The following SND1 variants were observed in gnomAD, a reference collection of about 807,000 sequenced individuals.
SND1 encodes the protein staphylococcal nuclease domain-containing protein 1.
A neutral mutation model predicts 121.7 loss-of-function variants in SND1; 38 were observed. That is an observed-to-expected ratio of 0.31 (90% confidence interval 0.24 to 0.41). The LOEUF (loss-of-function observed/expected upper bound fraction) is 0.41. Among genes scored for constraint, SND1 ranks in the 10% least tolerant of loss-of-function variants. The pLI is 1.00. For synonymous variants in SND1, 401 were observed against 447.4 expected, an observed-to-expected ratio of 0.90 and a Z score of 1.31; for missense variants, 868 against 1,184.6, an observed-to-expected ratio of 0.73 and a Z score of 3.92.
intron 14 of SND1, among the ~76,000 whole-genome samples, chr7:127,915,015 G>A (rs544564580): frequency 1.3e-5 from 2 of 152,018 alleles, no homozygotes; most frequent in African/African-American, 2.4e-5. Flanking sequence ...TTCACATGCC[G>A]GTGTTCATTA....
At chr7:127,812,876 G>C (rs1798358951) in intron 11 of SND1, among the ~76,000 whole-genome samples, 1 of 152,152 alleles carries the variant, frequency 6.6e-6, no homozygotes, top group African/African-American at 2.4e-5. Context: ...GGGGATTCTT[G>C]TTCCTAATTA....
rs756522894 is a variant in SND1 at position 128,091,896 on chromosome 7, T to A, written c.2667+15T>A. 1.2e-6 allele frequency: 2 copies of A among 1,614,194 alleles called. No homozygotes were observed. Among genetic ancestry groups the A allele is most frequent in the Non-Finnish European group, 1.7e-6 (2 of 1,180,024 alleles). Reference sequence around the variant, plus strand: ...AGAGCGCCAGGGTGAGTTCTTACCTTGGGAGCCCCCAGAGGGTACCGAGTT... The same window carrying A: ...AGAGCGCCAGGGTGAGTTCTTACCTAGGGAGCCCCCAGAGGGTACCGAGTT... On this transcript the variant is annotated intron_variant, in intron 23 of 23. Coordinates refer to ENST00000354725, the MANE Select transcript of SND1 (RefSeq NM_014390.4).
chr7:127,688,583 A>G (rs1030992716), intron 2 of SND1, among the ~76,000 whole-genome samples: 3 of 150,868 alleles, frequency 2.0e-5, no homozygotes, highest in African/African-American at 4.9e-5. Context: ...TTAGCCAGGC[A>G]TGGTGGTGCA....
At chr7:127,659,268 CACTT>C (rs1587573912) in intron 1 of SND1, among the ~76,000 whole-genome samples, 1 of 152,168 alleles carries the variant, frequency 6.6e-6, no homozygotes, top group Non-Finnish European at 1.5e-5. Context: ...TACGGGATTT[CACTT>C]ACTTTCATTA....
At chr7:127,858,173 C>T (rs1287657151) in intron 12 of SND1, 7 of 802,672 alleles carry the variant, frequency 8.7e-6, no homozygotes, top group South Asian at 1.4e-5. Context: ...TAGGGCCTGG[C>T]ACCCCAAACC....
intron 16 of SND1, chr7:128,027,418 C>CT (rs1321566216): frequency 7.9e-5 from 12 of 152,680 alleles, no homozygotes; most frequent in African/African-American, 2.6e-4. Context: ...GATCTCACAG[C>CT]TTTTTTGTGA....
At chr7:127,685,228 TAG>T (rs1297998654) in intron 1 of SND1, among the ~76,000 whole-genome samples, 1 of 152,166 alleles carries the variant, frequency 6.6e-6, no homozygotes, top group Non-Finnish European at 1.5e-5. Flanking sequence ...TTAGTTAAGG[TAG>T]AGAGGTGGAG....
intron 16 of SND1, among the ~76,000 whole-genome samples, chr7:128,047,753 C>A (rs1375415769): frequency 6.6e-6 from 1 of 152,196 alleles, no homozygotes; most frequent in African/African-American, 2.4e-5. Context: ...ATAATTCAGT[C>A]CCTGGGCAGG....
chr7:127,811,557 C>T (rs991355666), intron 11 of SND1, among the ~76,000 whole-genome samples: 2 of 152,104 alleles, frequency 1.3e-5, no homozygotes, highest in African/African-American at 4.8e-5. Flanking sequence ...TTCCAGTGCA[C>T]GGCGCCTACC....
intron 16 of SND1, among the ~76,000 whole-genome samples, chr7:128,054,059 G>A (rs912334016): frequency 6.6e-6 from 1 of 152,224 alleles, no homozygotes; most frequent in African/African-American, 2.4e-5. Flanking sequence ...CGCCGCTAAG[G>A]CCACTGTCAG....
intron 16 of SND1, among the ~76,000 whole-genome samples, chr7:128,004,026 G>A (rs973876629): frequency 1.3e-5 from 2 of 149,150 alleles, no homozygotes; most frequent in Admixed American, 6.7e-5. Flanking sequence ...CAGCAGCTTT[G>A]TAACTTACTT....
At chr7:127,988,350 C>T (rs1317699879) in intron 15 of SND1, among the ~76,000 whole-genome samples, 1 of 152,106 alleles carries the variant, frequency 6.6e-6, no homozygotes, top group African/African-American at 2.4e-5. Context: ...AAAAAGGGCA[C>T]AGAAGCACCC....
intron 15 of SND1, among the ~76,000 whole-genome samples, chr7:127,958,076 G>A (rs1280259760): frequency 6.6e-6 from 1 of 152,206 alleles, no homozygotes; most frequent in Non-Finnish European, 1.5e-5. Context: ...CCGTGTTGAA[G>A]GCTAGGGGGC....
In SND1 at chr7:127,718,691, G is replaced by A; in HGVS notation, c.1039-2596G>A. The A allele has an allele frequency of 3.0e-6, 3 of 985,292 alleles. 1 individual carries two copies. In the South Asian group the frequency reaches 1.4e-4, roughly 46 times the overall value. 61.0% of individuals were successfully genotyped at this position (985,292 alleles called of 1,614,324 possible). Reference sequence around the variant, plus strand: ...CGTTGCTGCTAACATATTACAAGGGGTGCCTAATTCCAGTAACTTGTTACA... The same window carrying A: ...CGTTGCTGCTAACATATTACAAGGGATGCCTAATTCCAGTAACTTGTTACA... On this transcript the variant is annotated intron_variant, in intron 9 of 23. Transcript: ENST00000354725.
intron 15 of SND1, among the ~76,000 whole-genome samples, chr7:127,980,993 GAT>G (rs1317766995): frequency 1.3e-5 from 2 of 152,224 alleles, no homozygotes; most frequent in East Asian, 3.8e-4. Context: ...TTGATTTAAA[GAT>G]AAAGTCCTAT....
intron 10 of SND1, among the ~76,000 whole-genome samples, chr7:127,791,327 A>G (rs1584575357): frequency 1.3e-5 from 2 of 151,210 alleles, no homozygotes; most frequent in Non-Finnish European, 3.0e-5. Context: ...TTCTGTTTTT[A>G]TTTTTTGTAG....
chr7:127,685,041 G>C (rs1407916882), intron 1 of SND1, among the ~76,000 whole-genome samples: 1 of 152,164 alleles, frequency 6.6e-6, no homozygotes, highest in Non-Finnish European at 1.5e-5. Context: ...GGGTTTGAGA[G>C]AAGGGGCTGC....
At chr7:127,847,629 C>T (rs1201206157) in intron 12 of SND1, among the ~76,000 whole-genome samples, 1 of 152,188 alleles carries the variant, frequency 6.6e-6, no homozygotes, top group East Asian at 1.9e-4. Flanking sequence ...TTGTGATTTA[C>T]ACCCCCTCAT....
chr7:128,071,965 G>T (rs1793420548), intron 16 of SND1, among the ~76,000 whole-genome samples: 1 of 152,236 alleles, frequency 6.6e-6, no homozygotes, highest in Non-Finnish European at 1.5e-5. Flanking sequence ...GCAGGCGACA[G>T]GCTGGTTAAG....
Sources: allele counts gnomAD v4.1 joint callset (sites outside exome capture counted in the v4.1 genomes callset), GRCh38; gene constraint gnomAD v4.1.1; transcripts MANE v1.5; gene names NCBI Gene and HGNC (gene_info 2026-07-23, HGNC 2026-07-21).